Variants in BBX observed in about 807,000 individuals in gnomAD.
BBX encodes the protein BBX high mobility group box domain containing, also known as HMG box transcription factor BBX.
In BBX, 30 loss-of-function variants were observed where a neutral mutation model predicts 100.2. That is an observed-to-expected ratio of 0.30 (90% confidence interval 0.22 to 0.41). The LOEUF (loss-of-function observed/expected upper bound fraction) is 0.41, where lower values mean the gene tolerates loss of function less well. BBX is among the 10% of genes least tolerant of loss of function. The probability of loss-of-function intolerance (pLI) is 1.00; values close to 1 mark genes in which losing one functional copy is unlikely to be tolerated. For missense variants in BBX, 1,023 were observed against 1,129.8 expected, an observed-to-expected ratio of 0.91 and a Z score of 1.35; for synonymous variants, 376 against 388.1, an observed-to-expected ratio of 0.97 and a Z score of 0.37.
At chr3:107,576,658 CT>C (rs1227029879) in intron 2 of BBX, among the ~76,000 whole-genome samples, 1 of 152,036 alleles carries the variant, frequency 6.6e-6, no homozygotes, top group Non-Finnish European at 1.5e-5. Context: ...TGCAAATTTA[CT>C]TTTTGACACT....
chr3:107,803,776 C>G (rs970162388), intron 17 of BBX, among the ~76,000 whole-genome samples: 1 of 152,156 alleles, frequency 6.6e-6, no homozygotes, highest in Admixed American at 6.6e-5. Context: ...CAGAGAAAAT[C>G]ATGAAGAATC....
At chr3:107,772,111 A>C (rs2066950777) in intron 10 of BBX, among the ~76,000 whole-genome samples, 1 of 151,970 alleles carries the variant, frequency 6.6e-6, no homozygotes, top group South Asian at 2.1e-4. Flanking sequence ...AAAATCCAAA[A>C]TTTGAAACAC....
At chr3:107,648,552 C>T (rs1018175429) in intron 3 of BBX, among the ~76,000 whole-genome samples, 18 of 151,968 alleles carry the variant, frequency 1.2e-4, no homozygotes, top group Non-Finnish European at 2.1e-4. Flanking sequence ...ATATATTAAT[C>T]GTACTAGATA....
At chr3:107,649,244 A>G (rs1216185797) in intron 3 of BBX, among the ~76,000 whole-genome samples, 2 of 152,206 alleles carry the variant, frequency 1.3e-5, no homozygotes, top group African/African-American at 2.4e-5. Context: ...GATTAGTACG[A>G]TTTAAGATGA....
Position 107,523,068 on chromosome 3 carries a change from C to G in BBX, c.-195C>G, listed in dbSNP as rs577813099. ...AGAAACCCTGACTGGCCGCTGAGGGCTAGCTACACACACGCCCTCACGCCC... is the reference window on the plus strand; with the variant it reads ...AGAAACCCTGACTGGCCGCTGAGGGGTAGCTACACACACGCCCTCACGCCC... On this transcript the variant is annotated 5_prime_UTR_variant, in exon 1 of 18. Coordinates refer to ENST00000325805, the MANE Select transcript of BBX (RefSeq NM_001142568.3). The G allele has an allele frequency of 2.5e-4, 39 of 156,176 alleles. No homozygotes were observed. Among genetic ancestry groups the G allele is most frequent in the Non-Finnish European group, 5.0e-4 (35 of 70,122 alleles). The allele number at this position is 156,176 out of a possible 1,614,324, so 9.7% of individuals were successfully genotyped here. A position where few individuals can be genotyped will look rare whatever the true frequency, so the allele number is the denominator to read the frequency against.
At position 107,808,167 on chromosome 3, in the gene BBX, A is replaced by G. The variant is rs1396391005; in HGVS notation, c.*2710A>G. ...TTATTTTGGAAAATCATATTGCTATAGTGTGTACTTTAATCTGCCAGCAGA... is the reference window on the plus strand; with the variant it reads ...TTATTTTGGAAAATCATATTGCTATGGTGTGTACTTTAATCTGCCAGCAGA... On this transcript the variant is annotated 3_prime_UTR_variant, in exon 18 of 18. Coordinates refer to ENST00000325805, the MANE Select transcript of BBX (RefSeq NM_001142568.3). The G allele has an allele frequency of 1.3e-5, 2 of 152,148 alleles. No homozygotes were observed. Among genetic ancestry groups the G allele is most frequent in the Non-Finnish European group, 2.9e-5 (2 of 68,042 alleles). 9.4% of individuals were successfully genotyped at this position (152,148 alleles called of 1,614,324 possible). A position where few individuals can be genotyped will look rare whatever the true frequency, so the allele number is the denominator to read the frequency against.
intron 2 of BBX, chr3:107,599,621 G>C (rs1164081784): frequency 6.6e-6 from 1 of 152,258 alleles, no homozygotes; most frequent in African/African-American, 2.4e-5. Context: ...GGTGTTGGCT[G>C]TGGAACAAAC....
At chr3:107,661,160 T>C (rs1326438924) in intron 3 of BBX, among the ~76,000 whole-genome samples, 1 of 152,238 alleles carries the variant, frequency 6.6e-6, no homozygotes, top group Admixed American at 6.5e-5. Context: ...TTTTTTATGG[T>C]ATATCTTAAA....
At chr3:107,746,058 C>CT (rs1021988890) in intron 8 of BBX, among the ~76,000 whole-genome samples, 4 of 152,150 alleles carry the variant, frequency 2.6e-5, no homozygotes, top group Admixed American at 6.5e-5. Flanking sequence ...CCCCCTCCCC[C>CT]TTTTTTTAGA....
Position 107,523,218 on chromosome 3 carries a change from A to AGCGGCGGCGGCG in BBX, c.-156+129_-156+140dup, listed in dbSNP as rs3833481. Reference sequence around the variant, plus strand: ...GCCCCAAGGACTCCGCGGCAGGAGCAGCGGCGGCGGCGGCGGCGGCGGCGG... The same window carrying AGCGGCGGCGGCG: ...GCCCCAAGGACTCCGCGGCAGGAGCAGCGGCGGCGGCGGCGGCGGCGGCGGCGGCGGCGGCGG... On this transcript the variant is annotated intron_variant, in intron 1 of 17. Coordinates refer to ENST00000325805, the MANE Select transcript of BBX (RefSeq NM_001142568.3). 1.2e-4 allele frequency: 27 copies of AGCGGCGGCGGCG among 217,956 alleles called. 5 individuals are homozygous for AGCGGCGGCGGCG. Among genetic ancestry groups the AGCGGCGGCGGCG allele is most frequent in the Non-Finnish European group, 1.8e-4 (19 of 107,382 alleles). 13.5% of individuals were successfully genotyped at this position (217,956 alleles called of 1,614,324 possible). A position where few individuals can be genotyped will look rare whatever the true frequency, so the allele number is the denominator to read the frequency against.
At chr3:107,631,553 A>C (rs1225748336) in intron 2 of BBX, among the ~76,000 whole-genome samples, 1 of 151,742 alleles carries the variant, frequency 6.6e-6, no homozygotes, top group Non-Finnish European at 1.5e-5. Flanking sequence ...TAAAAAAAAA[A>C]ACACTAAAAA....
At position 107,716,700 on chromosome 3, in the gene BBX, G is replaced by A; in HGVS notation, c.256G>A (p.Ala86Thr). 4 of 1,613,764 alleles carry A rather than the reference G, an allele frequency of 2.5e-6. No homozygotes were observed. Among genetic ancestry groups the A allele is most frequent in the Non-Finnish European group, 2.5e-6 (3 of 1,179,790 alleles). ...PEQRARRPMN[A>T]FLLFCKRHRS... ...GCAGCGAGCCCGGAGACCAATGAAT[G>A]CATTTCTTTTATTTTGCAAACGCCA... is the stretch of plus-strand genomic sequence containing the variant. The change falls in exon 5 of 18, where the codon GCA becomes ACA. Residue 86 changes from alanine (A) to threonine (T), a missense_variant. Transcript: ENST00000325805.
At chr3:107,607,446 T>G (rs559818640) in intron 2 of BBX, among the ~76,000 whole-genome samples, 1 of 152,312 alleles carries the variant, frequency 6.6e-6, no homozygotes, top group Non-Finnish European at 1.5e-5. Flanking sequence ...TTTTCTTTGT[T>G]CATTCATCTG....
rs1217337327 is a variant in BBX at position 107,616,805 on chromosome 3, T to C, written c.-83-29031T>C. ...ATCATCGATAACTAGCACCTTGTTA[T>C]ATATGTGGTTTGCATGTATTTTCTT... On this transcript the variant is annotated intron_variant, in intron 2 of 17. Coordinates refer to ENST00000325805, the MANE Select transcript of BBX (RefSeq NM_001142568.3). Among the ~76,000 whole-genome samples, 3 of 152,194 alleles carry C rather than the reference T, an allele frequency of 2.0e-5. No individual in the cohort carries two copies. The East Asian group carries it at 5.8e-4, about 29-fold the overall frequency.
intron 4 of BBX, among the ~76,000 whole-genome samples, chr3:107,712,380 T>G (rs1159166443): frequency 6.6e-6 from 1 of 152,250 alleles, no homozygotes; most frequent in African/African-American, 2.4e-5. Flanking sequence ...AATCTCAGTT[T>G]GAATGAATTC....
At chr3:107,748,486 G>A (rs1178562271) in intron 9 of BBX, among the ~76,000 whole-genome samples, 4 of 152,174 alleles carry the variant, frequency 2.6e-5, no homozygotes, top group Non-Finnish European at 4.4e-5. Flanking sequence ...TCAATGTGAT[G>A]TAGCTTCAGC....
chr3:107,643,491 A>C (rs1012409403), intron 2 of BBX, among the ~76,000 whole-genome samples: 2 of 152,162 alleles, frequency 1.3e-5, no homozygotes, highest in Admixed American at 6.5e-5. Context: ...GGAGCTAATC[A>C]CCAGGAGTCA....
At chr3:107,721,433 C>T (rs1169272255) in intron 5 of BBX, among the ~76,000 whole-genome samples, 2 of 151,864 alleles carry the variant, frequency 1.3e-5, no homozygotes, top group Non-Finnish European at 2.9e-5. Flanking sequence ...TTCTCTCCTC[C>T]GTCAGCCCCT....
intron 2 of BBX, among the ~76,000 whole-genome samples, chr3:107,605,240 C>G (rs1204263473): frequency 6.6e-6 from 1 of 152,166 alleles, no homozygotes; most frequent in African/African-American, 2.4e-5. Flanking sequence ...GCCTAGAACC[C>G]CAATCTAACT....
Sources: allele counts gnomAD v4.1 joint callset (sites outside exome capture counted in the v4.1 genomes callset), GRCh38; gene constraint gnomAD v4.1.1; transcripts MANE v1.5; gene names NCBI Gene and HGNC (gene_info 2026-07-23, HGNC 2026-07-21).